SART3: variants seen among roughly 807,000 people sequenced by gnomAD.
SART3 encodes spliceosome associated factor 3, U4/U6 recycling protein.
A neutral mutation model predicts 122.3 loss-of-function variants in SART3; 44 were observed. The observed-to-expected ratio is 0.36, with a 90% CI of 0.28 to 0.46. SART3 has a LOEUF of 0.46. SART3 is among the 20% of genes least tolerant of loss of function. The probability of loss-of-function intolerance (pLI) is 1.00; values close to 1 mark genes in which losing one functional copy is unlikely to be tolerated. For synonymous variants in SART3, 442 were observed against 454.0 expected, an observed-to-expected ratio of 0.97 and a Z score of 0.34; for missense variants, 1,101 against 1,229.0, an observed-to-expected ratio of 0.90 and a Z score of 1.56.
rs144478382 is a variant in SART3 at position 108,536,791 on chromosome 12, G to A, written c.1310-6C>T. The A allele has an allele frequency of 1.6e-4, 263 of 1,613,282 alleles. No individual in the cohort carries two copies. In the East Asian group the frequency reaches 5.1e-3, roughly 31 times the overall value. On this transcript the variant is annotated splice_polypyrimidine_tract_variant and splice_region_variant and intron_variant, in intron 9 of 18. Transcript: ENST00000546815. ...CTCCAGCTCTTTACTGGAGTCTAAC[G>A]GAAAGTGCAAAAAAAGGCTTTAGGA... is the stretch of plus-strand genomic sequence containing the variant.
Position 108,538,917 on chromosome 12 carries a change from T to G in SART3, c.1062+17A>C. ...TAAATTGGCAAAAATAAAATGAAATTAGAACAGTGATCTTACTAGGTACTG... is the reference window on the plus strand; with the variant it reads ...TAAATTGGCAAAAATAAAATGAAATGAGAACAGTGATCTTACTAGGTACTG... On this transcript the variant is annotated intron_variant, in intron 7 of 18. Coordinates refer to ENST00000546815, the MANE Select transcript of SART3 (RefSeq NM_014706.4). 8 of 1,614,050 alleles carry G rather than the reference T, an allele frequency of 5.0e-6. No individual in the cohort carries two copies. The highest frequency in any genetic ancestry group is 6.8e-6 in the Non-Finnish European group (8 of 1,179,978).
At chr12:108,524,729 T>C (rs1872288802) in intron 17 of SART3, 1 of 594,692 alleles carries the variant, frequency 1.7e-6, no homozygotes, top group South Asian at 2.0e-5. Context: ...TAACTTCAGA[T>C]AACCCTTCCA....
chr12:108,550,604 T>G (rs1188829175), intron 1 of SART3, among the ~76,000 whole-genome samples: 1 of 152,048 alleles, frequency 6.6e-6, no homozygotes, highest in African/African-American at 2.4e-5. Context: ...GGCTCACACC[T>G]GTAATCCCAG....
chr12:108,558,578 CCT>C (rs1297664420), intron 1 of SART3, among the ~76,000 whole-genome samples: 9 of 152,296 alleles, frequency 5.9e-5, no homozygotes, highest in African/African-American at 1.9e-4. Flanking sequence ...TGGTCCCAAA[CCT>C]CTCTTTCCCC....
At chr12:108,523,742 T>TTA in intron 18 of SART3, 108 bp from the exon 19 acceptor site, 2 of 860,970 alleles carry the variant, frequency 2.3e-6, no homozygotes, top group Non-Finnish European at 3.5e-6. Flanking sequence ...AGTTAAAAGG[T>TTA]GAAAAAAAAA....
intron 1 of SART3, among the ~76,000 whole-genome samples, chr12:108,555,369 G>T (rs1232522670): frequency 6.6e-6 from 1 of 152,164 alleles, no homozygotes; most frequent in Non-Finnish European, 1.5e-5. Context: ...TTGATTGAAA[G>T]ATATTAAAGA....
intron 17 of SART3, among the ~76,000 whole-genome samples, chr12:108,525,146 C>A (rs1050556068): frequency 6.6e-6 from 1 of 152,196 alleles, no homozygotes; most frequent in African/African-American, 2.4e-5. Flanking sequence ...CAGGAGGGCG[C>A]CCACCCCAAA....
At position 108,524,624 on chromosome 12, in the gene SART3, G is replaced by C. The variant is rs75719718; in HGVS notation, c.2524-118C>G. 8.1e-4 allele frequency: 703 copies of C among 865,650 alleles called. 1 individual carries two copies. The highest frequency in any genetic ancestry group is 1.1e-3 in the South Asian group (79 of 72,388). 53.6% of individuals were successfully genotyped at this position (865,650 alleles called of 1,614,324 possible). A position where few individuals can be genotyped will look rare whatever the true frequency, so the allele number is the denominator to read the frequency against. On this transcript the variant is annotated intron_variant, in intron 17 of 18. Coordinates refer to ENST00000546815, the MANE Select transcript of SART3 (RefSeq NM_014706.4). ...ACCAGCAGACCAGGCCACAGCAAAC[G>C]ACCCACCAACAGGTTACCTTCCCCA...
chr12:108,535,687 G>GA, intron 11 of SART3: 1 of 565,706 alleles, frequency 1.8e-6, no homozygotes, highest in South Asian at 1.8e-5. Flanking sequence ...TGTTTCCTGA[G>GA]AACCGAGAGA....
chr12:108,528,482 C>CAAAA (rs398039961), intron 15 of SART3, among the ~76,000 whole-genome samples: 12 of 98,502 alleles, frequency 1.2e-4, no homozygotes, highest in Non-Finnish European at 1.7e-4. Flanking sequence ...GACTCCCTCT[C>CAAAA]AAAAAAAAAA....
intron 11 of SART3, among the ~76,000 whole-genome samples, chr12:108,536,174 C>G (rs142665185): frequency 4.9e-4 from 75 of 152,352 alleles, no homozygotes; most frequent in African/African-American, 1.6e-3. Context: ...TCCCACAGCA[C>G]CTAGTACAGT....
intron 17 of SART3, chr12:108,524,939 T>C: frequency 3.3e-6 from 1 of 305,222 alleles, no homozygotes; most frequent in Non-Finnish European, 6.3e-6. Flanking sequence ...TTAACCTGGA[T>C]AAAGGGGAGG....
chr12:108,532,177 G>GA, intron 13 of SART3, 45 bp downstream of exon 13: 1 of 1,546,850 alleles, frequency 6.5e-7, no homozygotes, highest in Non-Finnish European at 8.9e-7. Context: ...AGACCAAACA[G>GA]CAAATGGGTT....
intron 13 of SART3, chr12:108,531,599 A>G: frequency 3.3e-6 from 1 of 307,642 alleles, no homozygotes; most frequent in Non-Finnish European, 6.2e-6. Context: ...AGCTACTCAA[A>G]TGTTGAGGCA....
Position 108,523,563 on chromosome 12 carries a change from T to G in SART3, c.2786A>C (p.Gln929Pro). The G allele has an allele frequency of 6.2e-7, 1 of 1,614,094 alleles. No homozygotes were observed. Among genetic ancestry groups the G allele is most frequent in the Non-Finnish European group, 8.5e-7 (1 of 1,180,006 alleles). The change falls in exon 19 of 19, where the codon CAG becomes CCG. Residue 929 changes from glutamine (Q) to proline (P), a missense_variant. By Grantham distance (76) the Gln-to-Pro change is moderately conservative. Coordinates refer to ENST00000546815, the MANE Select transcript of SART3 (RefSeq NM_014706.4). The part of the protein sequence containing the change: ...ALQRPSAAAP[Q>P]AENGPAAAPA... ...AGCCGCGGCAGGGCCGTTCTCAGCC[T>G]GAGGAGCTGCAGCACTTGGGCGCTG...
At chr12:108,553,798 C>G (rs531766921) in intron 1 of SART3, among the ~76,000 whole-genome samples, 26 of 152,168 alleles carry the variant, frequency 1.7e-4, no homozygotes, top group African/African-American at 6.3e-4. Context: ...GGGTTTTGTT[C>G]AAGTGTTTAG....
At chr12:108,534,666 C>T (rs1349383411) in intron 12 of SART3, among the ~76,000 whole-genome samples, 4 of 152,150 alleles carry the variant, frequency 2.6e-5, no homozygotes, top group Non-Finnish European at 5.9e-5. Flanking sequence ...CAGAGTGAGA[C>T]TCCCCACCTC....
At chr12:108,548,224 C>A (rs1873522575) in intron 2 of SART3, among the ~76,000 whole-genome samples, 1 of 152,178 alleles carries the variant, frequency 6.6e-6, no homozygotes, top group Admixed American at 6.5e-5. Context: ...TTATATTTTG[C>A]AAAGCACTTT....
At chr12:108,537,804 C>T (rs1872982819) in intron 8 of SART3, 1 of 658,816 alleles carries the variant, frequency 1.5e-6, no homozygotes, top group African/African-American at 1.8e-5. Context: ...CACAAGACGC[C>T]CTGCAAGAAA....
Sources: gnomAD v4.1 joint callset for allele counts (sites outside exome capture counted in the v4.1 genomes callset) on GRCh38, gnomAD v4.1.1 for gene constraint, MANE v1.5 for transcripts, NCBI Gene and HGNC (gene_info 2026-07-23, HGNC 2026-07-21) for gene names.